GALNT10: variants seen among roughly 807,000 people sequenced by gnomAD.
The protein encoded by GALNT10 is GalNAc transferase 10.
In GALNT10, 41 loss-of-function variants were observed where a neutral mutation model predicts 75.0. That is an observed-to-expected ratio of 0.55 (90% CI 0.43 to 0.71). GALNT10 has a LOEUF of 0.71. GALNT10 is among the 30% of genes least tolerant of loss of function. GALNT10 has a pLI of 0.00. For synonymous variants in GALNT10, 302 were observed against 313.0 expected (o/e 0.96, Z 0.37); for missense variants, 727 against 818.5 (o/e 0.89, Z 1.36).
chr5:154,346,474 A>G (rs967019493), intron 4 of GALNT10, among the ~76,000 whole-genome samples: 4 of 152,230 alleles, frequency 2.6e-5, no homozygotes, highest in African/African-American at 9.6e-5. Context: ...CCCTGTCTTA[A>G]CATTTTAGCT....
intron 1 of GALNT10, among the ~76,000 whole-genome samples, chr5:154,279,679 C>A (rs1473239355): frequency 2.6e-5 from 4 of 151,918 alleles, no homozygotes. Flanking sequence ...CTCCTAGGCT[C>A]AAGCAATCCT....
intron 1 of GALNT10, among the ~76,000 whole-genome samples, chr5:154,247,665 A>C (rs1397925412): frequency 6.6e-6 from 1 of 152,216 alleles, no homozygotes; most frequent in Non-Finnish European, 1.5e-5. Context: ...TTGATTTTGT[A>C]TCCTGAGACT....
intron 4 of GALNT10, among the ~76,000 whole-genome samples, chr5:154,331,975 C>A (rs536400739): frequency 6.6e-6 from 1 of 152,248 alleles, no homozygotes; most frequent in South Asian, 2.1e-4. Context: ...CTAAGTAATT[C>A]GCCCAGAATC....
intron 4 of GALNT10, among the ~76,000 whole-genome samples, chr5:154,334,210 G>A (rs781653082): frequency 2.6e-5 from 4 of 152,248 alleles, no homozygotes; most frequent in Non-Finnish European, 5.9e-5. Flanking sequence ...TCAGGTAGGA[G>A]ACAAAATTGG....
chr5:154,346,139 C>CAT (rs1554099629), intron 4 of GALNT10, among the ~76,000 whole-genome samples: 2 of 147,718 alleles, frequency 1.4e-5, no homozygotes, highest in Non-Finnish European at 3.0e-5. Context: ...TTCGTGTGTG[C>CAT]GTGTGTGTGT....
intron 1 of GALNT10, among the ~76,000 whole-genome samples, chr5:154,287,909 TGTGTGA>T (rs756450957): frequency 1.7e-3 from 238 of 139,682 alleles, no homozygotes; most frequent in African/African-American, 5.8e-3. Flanking sequence ...TGTGTGTGTG[TGTGTGA>T]GAGAGAGAGA....
In GALNT10 at chr5:154,358,268, A is replaced by C. The variant is rs529013298; in HGVS notation, c.569-18009A>C. Among the ~76,000 whole-genome samples, 193 of 152,198 alleles carry C rather than the reference A, an allele frequency of 1.3e-3. 1 individual carries two copies. The highest frequency in any genetic ancestry group is 4.3e-3 in the African/African-American group (179 of 41,518). ...GGGGGACGTGTCTCTAGTAAATGCA[A>C]ATTGGGAAAGTGGGGTCTCCTTGGG... On this transcript the variant is annotated intron_variant, in intron 4 of 11. Coordinates refer to ENST00000297107, the MANE Select transcript of GALNT10 (RefSeq NM_198321.4).
chr5:154,391,032 G>A (rs2113192671), intron 7 of GALNT10, among the ~76,000 whole-genome samples: 1 of 152,308 alleles, frequency 6.6e-6, no homozygotes, highest in Middle Eastern at 3.4e-3. Context: ...TTTTCTCCCT[G>A]GGCTTTCTCT....
At chr5:154,302,344 A>G (rs1163575642) in intron 3 of GALNT10, among the ~76,000 whole-genome samples, 1 of 152,240 alleles carries the variant, frequency 6.6e-6, no homozygotes, top group Non-Finnish European at 1.5e-5. Flanking sequence ...GCCCAGACTC[A>G]CTGGACCTGC....
At chr5:154,222,493 A>T (rs748720567) in intron 1 of GALNT10, among the ~76,000 whole-genome samples, 21 of 152,296 alleles carry the variant, frequency 1.4e-4, no homozygotes, top group Non-Finnish European at 2.6e-4. Flanking sequence ...TAGGAATGGA[A>T]TGGCTGGATT....
In GALNT10 at chr5:154,420,016, T is replaced by C. The variant is rs1159300444; in HGVS notation, c.*3044T>C. ...ACATTTCATAATGCAAACAGCACTG[T>C]TGCTTTAAGAACAAGGCCTTTGGAG... On this transcript the variant is annotated 3_prime_UTR_variant, in exon 12 of 12. Transcript: ENST00000297107. 2 of 152,222 alleles carry C rather than the reference T, an allele frequency of 1.3e-5. No individual in the cohort carries two copies. The highest frequency in any genetic ancestry group is 4.8e-5 in the African/African-American group (2 of 41,452). The allele number at this position is 152,222 out of a possible 1,614,324, so 9.4% of individuals were successfully genotyped here.
rs191212216 is a variant in GALNT10 at position 154,304,578 on chromosome 5, A to T, written c.401+6499A>T. Among the ~76,000 whole-genome samples the T allele has an allele frequency of 8.5e-5, 13 of 152,266 alleles. No individual in the cohort carries two copies. In the East Asian group the frequency reaches 1.2e-3, roughly 14 times the overall value. On this transcript the variant is annotated intron_variant, in intron 3 of 11. Coordinates refer to ENST00000297107, the MANE Select transcript of GALNT10 (RefSeq NM_198321.4). ...TGTACCCAGTGAAAATATCTTTTTTAAAAAAAGATACTAGCTACAAATAGA... is the reference window on the plus strand; with the variant it reads ...TGTACCCAGTGAAAATATCTTTTTTTAAAAAAGATACTAGCTACAAATAGA...
rs538549452 is a variant in GALNT10 at position 154,391,769 on chromosome 5, C to T, written c.1056+5339C>T. On this transcript the variant is annotated intron_variant, in intron 7 of 11. Coordinates refer to ENST00000297107, the MANE Select transcript of GALNT10 (RefSeq NM_198321.4). ...GATGCAGGGACTCAGTCATCTCACT[C>T]GGGCTAGGTCTCTCTCAATGCCTAG... Among the ~76,000 whole-genome samples the T allele has an allele frequency of 2.6e-5, 4 of 152,352 alleles. 1 individual carries two copies. The highest frequency in any genetic ancestry group is 2.1e-4 in the South Asian group (1 of 4,832).
chr5:154,200,141 C>G (rs1156874968), intron 1 of GALNT10, among the ~76,000 whole-genome samples: 1 of 152,172 alleles, frequency 6.6e-6, no homozygotes, highest in Admixed American at 6.5e-5. Flanking sequence ...GAGGTTATCA[C>G]TGAGACCCCC....
At chr5:154,308,447 G>A (rs1754465940) in intron 3 of GALNT10, among the ~76,000 whole-genome samples, 3 of 152,136 alleles carry the variant, frequency 2.0e-5, no homozygotes, top group Admixed American at 6.5e-5. Context: ...AAGTCTTCTC[G>A]AATGGTGATG....
chr5:154,328,116 A>G (rs555489492), intron 3 of GALNT10, among the ~76,000 whole-genome samples: 1 of 152,148 alleles, frequency 6.6e-6, no homozygotes, highest in East Asian at 1.9e-4. Context: ...GCTTATGTAT[A>G]AAAGAGACTT....
chr5:154,272,164 C>T (rs981677235), intron 1 of GALNT10, among the ~76,000 whole-genome samples: 1 of 152,150 alleles, frequency 6.6e-6, no homozygotes, highest in Non-Finnish European at 1.5e-5. Context: ...TGCCTCCCTG[C>T]AATTCTTAGG....
intron 4 of GALNT10, among the ~76,000 whole-genome samples, chr5:154,374,637 C>T (rs1755628269): frequency 6.6e-6 from 1 of 152,242 alleles, no homozygotes; most frequent in African/African-American, 2.4e-5. Flanking sequence ...GGCACAGTGC[C>T]TGGCCCAGAA....
At chr5:154,353,570 C>T (rs2113146559) in intron 4 of GALNT10, among the ~76,000 whole-genome samples, 1 of 152,352 alleles carries the variant, frequency 6.6e-6, no homozygotes, top group Non-Finnish European at 1.5e-5. Flanking sequence ...GTGTCTTTCT[C>T]TGCCGAGCCC....
Sources: allele counts gnomAD v4.1 joint callset (sites outside exome capture counted in the v4.1 genomes callset), GRCh38; gene constraint gnomAD v4.1.1; transcripts MANE v1.5; gene names NCBI Gene and HGNC (gene_info 2026-07-23, HGNC 2026-07-21).